Variants in STK32B observed in about 807,000 individuals in gnomAD.
STK32B encodes serine/threonine kinase 32B.
A neutral mutation model predicts 52.6 loss-of-function variants in STK32B; 43 were observed. That is an observed-to-expected ratio of 0.82 (90% confidence interval 0.64 to 1.05). STK32B has a LOEUF of 1.05. STK32B is among the 50% of genes least tolerant of loss of function. The probability of loss-of-function intolerance (pLI) is 0.00; values close to 1 mark genes in which losing one functional copy is unlikely to be tolerated. For synonymous variants in STK32B, 238 were observed against 204.3 expected, an observed-to-expected ratio of 1.17 and a Z score of -1.41; for missense variants, 621 against 534.6, an observed-to-expected ratio of 1.16 and a Z score of -1.59.
At chr4:5,212,016 C>G (rs1159757783) in intron 3 of STK32B, among the ~76,000 whole-genome samples, 2 of 152,178 alleles carry the variant, frequency 1.3e-5, no homozygotes, top group East Asian at 1.9e-4. Flanking sequence ...GTAATTCATT[C>G]AACACTCGTG....
intron 1 of STK32B, among the ~76,000 whole-genome samples, chr4:5,095,157 G>T (rs4293744): frequency 1.3e-5 from 2 of 152,078 alleles, no homozygotes; most frequent in Admixed American, 1.3e-4. Flanking sequence ...GGACATTTTC[G>T]TGAGGATTTA....
chr4:5,457,049 C>A, intron 8 of STK32B, 126 bp downstream of exon 8: 1 of 629,194 alleles, frequency 1.6e-6, no homozygotes, highest in Non-Finnish European at 2.6e-6. Flanking sequence ...AAATCAGCTG[C>A]GCTCAAATGC....
Position 5,467,514 on chromosome 4 carries a change from G to C in STK32B, c.1042-492G>C, listed in dbSNP as rs1166476675. Among the ~76,000 whole-genome samples, 1 of 152,130 alleles carries C rather than the reference G, an allele frequency of 6.6e-6. No homozygotes were observed. The highest frequency in any genetic ancestry group is 2.4e-5 in the African/African-American group (1 of 41,416). On this transcript the variant is annotated intron_variant, in intron 10 of 11. Coordinates refer to ENST00000282908, the MANE Select transcript of STK32B (RefSeq NM_018401.3). This position sits in a 1 kb window ranked among gnomAD's most constrained non-coding sequence, Gnocchi z 5.8. Reference sequence around the variant, plus strand: ...GGTCTTAGGGCCTACCTAATTCACTGTGACTTCATCTTAACTGGATTACAT... The same window carrying C: ...GGTCTTAGGGCCTACCTAATTCACTCTGACTTCATCTTAACTGGATTACAT...
At chr4:5,431,764 G>A (rs1171966322) in intron 6 of STK32B, among the ~76,000 whole-genome samples, 1 of 152,186 alleles carries the variant, frequency 6.6e-6, no homozygotes, top group Non-Finnish European at 1.5e-5. Context: ...CCCAAAAAGA[G>A]AAATTATCAG....
chr4:5,486,933 T>C (rs1355296317), intron 11 of STK32B, among the ~76,000 whole-genome samples: 2 of 152,216 alleles, frequency 1.3e-5, no homozygotes, highest in African/African-American at 4.8e-5. Context: ...AGTTAGCAAG[T>C]TCTGATTGGT....
intron 4 of STK32B, among the ~76,000 whole-genome samples, chr4:5,384,422 G>T (rs1736116802): frequency 6.6e-6 from 1 of 152,080 alleles, no homozygotes; most frequent in Non-Finnish European, 1.5e-5. Flanking sequence ...CTGGAGGTTT[G>T]AAAAGAGAGA....
In STK32B at chr4:5,178,665, C is replaced by G. The variant is rs534299505; in HGVS notation, c.260+10215C>G. On this transcript the variant is annotated intron_variant, in intron 3 of 11. Transcript: ENST00000282908. ...TCTTCTGCCAGATACCCTGAATCAT[C>G]TCTCTCAAGTTCAAAGTTCCACAGA... 1.6e-4 allele frequency among the ~76,000 whole-genome samples: 24 copies of G among 152,338 alleles called. No homozygotes were observed. The South Asian group carries it at 4.6e-3, about 29-fold the overall frequency.
At position 5,446,763 on chromosome 4, in the gene STK32B, T is replaced by C. The variant is rs1432601507; in HGVS notation, c.653T>C (p.Leu218Pro). Residue 218 changes from leucine (L) to proline (P), a missense_variant, in exon 7 of 12, where the codon CTG becomes CCG. By Grantham distance (98) the Leu-to-Pro change is moderately conservative. Transcript: ENST00000282908. ...TCCCTGGGCATCACAGCCTATGAGCTGCTGCGGGGCTGGGTAAGACAGGCA... is the reference window on the plus strand; with the variant it reads ...TCCCTGGGCATCACAGCCTATGAGCCGCTGCGGGGCTGGGTAAGACAGGCA... ...WWSLGITAYE[L>P]LRGWRPYEIH... 2 of 1,614,004 alleles carry C rather than the reference T, an allele frequency of 1.2e-6. No individual in the cohort carries two copies. Among genetic ancestry groups the C allele is most frequent in the Admixed American group, 3.3e-5 (2 of 60,018 alleles).
At chr4:5,062,854 G>A (rs1216749377) in intron 1 of STK32B, among the ~76,000 whole-genome samples, 4 of 152,090 alleles carry the variant, frequency 2.6e-5, no homozygotes, top group Admixed American at 1.3e-4. Context: ...CATGTTTTAT[G>A]TGTTTTTGTA....
chr4:5,303,862 T>G lies in STK32B; in HGVS notation c.261-27358T>G, dbSNP rs546362007. Among the ~76,000 whole-genome samples, 25 of 152,166 alleles carry G rather than the reference T, an allele frequency of 1.6e-4. No individual in the cohort carries two copies. In the East Asian group the frequency reaches 4.6e-3, roughly 28 times the overall value. The stretch of plus-strand genomic sequence containing the variant: ...ATCTTGAGTTGATTTTTGTATAGGG[T>G]GAGAGATGAGGATCCAGTTGCATTC... On this transcript the variant is annotated intron_variant, in intron 3 of 11. Transcript: ENST00000282908.
intron 1 of STK32B, among the ~76,000 whole-genome samples, chr4:5,052,481 C>T (rs547287239): frequency 6.6e-6 from 1 of 152,190 alleles, no homozygotes; most frequent in African/African-American, 2.4e-5. Context: ...CTCCCCCTGG[C>T]GCAGAAGTGG....
intron 4 of STK32B, among the ~76,000 whole-genome samples, chr4:5,334,795 A>G (rs1330657819): frequency 6.6e-6 from 1 of 152,000 alleles, no homozygotes; most frequent in African/African-American, 2.4e-5. Flanking sequence ...ATTTGCGTAT[A>G]TTGAACCAGC....
At position 5,246,237 on chromosome 4, in the gene STK32B, C is replaced by T. The variant is rs181587071; in HGVS notation, c.260+77787C>T. 6.6e-5 allele frequency among the ~76,000 whole-genome samples: 10 copies of T among 152,332 alleles called. No individual in the cohort carries two copies. The East Asian group carries it at 1.9e-3, about 29-fold the overall frequency. ...ATGAGACGTAGATTTGGTCTTTTCA[C>T]ATAGTCCCATATTTCTTGGAAGCTT... On this transcript the variant is annotated intron_variant, in intron 3 of 11. Transcript: ENST00000282908.
upstream of STK32B, among the ~76,000 whole-genome samples, chr4:5,048,714 C>T (rs914666992): frequency 5.3e-5 from 8 of 152,258 alleles, no homozygotes; most frequent in African/African-American, 1.4e-4. Flanking sequence ...AGGCGTGAAA[C>T]GCCACACCTG....
chr4:5,114,992 C>A (rs540558206), intron 1 of STK32B, among the ~76,000 whole-genome samples: 1 of 152,200 alleles, frequency 6.6e-6, no homozygotes, highest in Admixed American at 6.5e-5. Flanking sequence ...TTATGGGCTG[C>A]AAGACACCTG....
chr4:5,371,517 A>G (rs759412731), intron 4 of STK32B, among the ~76,000 whole-genome samples: 7 of 152,178 alleles, frequency 4.6e-5, no homozygotes, highest in Non-Finnish European at 8.8e-5. Context: ...AGTCTTTGTC[A>G]TTCCTGAGCC....
intron 1 of STK32B, among the ~76,000 whole-genome samples, chr4:5,105,015 A>G (rs1262855227): frequency 6.6e-6 from 1 of 152,228 alleles, no homozygotes; most frequent in East Asian, 1.9e-4. Flanking sequence ...TCAATTATCT[A>G]AAGCAGTTGC....
intron 6 of STK32B, among the ~76,000 whole-genome samples, chr4:5,442,022 A>C (rs1714826760): frequency 9.0e-6 from 1 of 111,728 alleles, no homozygotes; most frequent in Non-Finnish European, 1.8e-5. Context: ...CTTTACTTCC[A>C]AGTATGTGGT....
At chr4:5,492,331 C>T (rs1719806100) in intron 11 of STK32B, among the ~76,000 whole-genome samples, 1 of 152,086 alleles carries the variant, frequency 6.6e-6, no homozygotes, top group Admixed American at 6.5e-5. Context: ...ATTTTATTCT[C>T]TTTGAAGCAA....
Sources: gnomAD v4.1 joint callset for allele counts (sites outside exome capture counted in the v4.1 genomes callset) on GRCh38, gnomAD v4.1.1 for gene constraint, Gnocchi (gnomAD v3.1) non-coding constraint, MANE v1.5 for transcripts, NCBI Gene and HGNC (gene_info 2026-07-23, HGNC 2026-07-21) for gene names.